Variants in NTNG1 observed in about 807,000 individuals in gnomAD.
NTNG1 encodes the protein netrin G1, also known as netrin-G1.
Under a neutral mutation model 54.0 loss-of-function variants are expected in NTNG1, and 16 were observed. That is an observed-to-expected ratio of 0.30 (90% CI 0.20 to 0.45). The LOEUF (loss-of-function observed/expected upper bound fraction) is 0.45. Among genes scored for constraint, NTNG1 ranks in the 20% least tolerant of loss-of-function variants. NTNG1 has a pLI of 1.00. For synonymous variants in NTNG1, 255 were observed against 263.1 expected, an observed-to-expected ratio of 0.97 and a Z score of 0.30; for missense variants, 530 against 678.7, an observed-to-expected ratio of 0.78 and a Z score of 2.43.
intron 2 of NTNG1, among the ~76,000 whole-genome samples, chr1:107,269,890 C>T (rs1033485990): frequency 2.6e-5 from 4 of 152,220 alleles, no homozygotes; most frequent in Non-Finnish European, 5.9e-5. Context: ...CAGCTTTAAA[C>T]AGTTCTGTAC....
At chr1:107,424,583 C>T (rs1191995887) in intron 5 of NTNG1, among the ~76,000 whole-genome samples, 10 of 151,872 alleles carry the variant, frequency 6.6e-5, no homozygotes, top group Admixed American at 5.3e-4. Context: ...GCTGATGATG[C>T]GTCTGAGGAA....
intron 3 of NTNG1, among the ~76,000 whole-genome samples, chr1:107,367,519 GGA>G (rs1476382882): frequency 5.3e-5 from 8 of 151,990 alleles, no homozygotes; most frequent in African/African-American, 1.9e-4. Context: ...CTTAAATCCT[GGA>G]ATACCTTTAT....
intron 2 of NTNG1, among the ~76,000 whole-genome samples, chr1:107,314,650 C>A (rs1429782758): frequency 6.6e-6 from 1 of 152,110 alleles, no homozygotes; most frequent in Non-Finnish European, 1.5e-5. Flanking sequence ...GCTAATGTCT[C>A]ATAAATATAT....
intron 3 of NTNG1, among the ~76,000 whole-genome samples, chr1:107,327,463 T>C (rs78571713): frequency 0.031 from 4,791 of 152,240 alleles, 139 homozygotes; most frequent in Non-Finnish European, 0.039. Context: ...GTCTAGATTG[T>C]CTTTCTGTTA....
intron 2 of NTNG1, among the ~76,000 whole-genome samples, chr1:107,241,029 A>G (rs1000487050): frequency 6.6e-6 from 1 of 152,100 alleles, no homozygotes; most frequent in African/African-American, 2.4e-5. Context: ...GGAAGTAACT[A>G]TTGAGATTTC....
chr1:107,452,004 G>C (rs1443206485), intron 7 of NTNG1, among the ~76,000 whole-genome samples: 1 of 152,036 alleles, frequency 6.6e-6, no homozygotes, highest in Non-Finnish European at 1.5e-5. Context: ...TTGAATCCTG[G>C]CTCTGCCACT....
At chr1:107,302,637 A>C (rs1666396699) in intron 2 of NTNG1, among the ~76,000 whole-genome samples, 1 of 151,306 alleles carries the variant, frequency 6.6e-6, no homozygotes, top group Non-Finnish European at 1.5e-5. Flanking sequence ...AGAATAGTAC[A>C]GTTGAAAAAT....
chr1:107,397,945 T>A (rs1265876824), intron 4 of NTNG1, among the ~76,000 whole-genome samples: 2 of 152,004 alleles, frequency 1.3e-5, no homozygotes, highest in African/African-American at 4.8e-5. Flanking sequence ...TCACTTCATA[T>A]TGGCTTTTTC....
chr1:107,250,502 A>ATGTGCC (rs1662517951), intron 2 of NTNG1, among the ~76,000 whole-genome samples: 2 of 152,160 alleles, frequency 1.3e-5, no homozygotes, highest in African/African-American at 4.8e-5. Context: ...TGGCACATGT[A>ATGTGCC]TACCTATGTA....
chr1:107,246,328 C>T lies in NTNG1; in HGVS notation c.247-77954C>T, dbSNP rs542497601. On this transcript the variant is annotated intron_variant, in intron 2 of 7. Coordinates refer to ENST00000370068, the MANE Select transcript of NTNG1 (RefSeq NM_001113226.3). ...TCGGCCTCCAAAAGTGCTGGGATTA[C>T]AGGCTTGAGTTTATTTAATTATTAG... Among the ~76,000 whole-genome samples the T allele has an allele frequency of 1.1e-3, 165 of 150,932 alleles. 1 individual carries two copies. The South Asian group carries it at 0.013, about 11-fold the overall frequency.
At chr1:107,150,806 C>A (rs566894169) in intron 2 of NTNG1, among the ~76,000 whole-genome samples, 1 of 152,202 alleles carries the variant, frequency 6.6e-6, no homozygotes, top group African/African-American at 2.4e-5. Flanking sequence ...TACGGATCTT[C>A]CCATGCCTGC....
At chr1:107,329,163 A>T (rs914663667) in intron 3 of NTNG1, among the ~76,000 whole-genome samples, 2 of 152,128 alleles carry the variant, frequency 1.3e-5, no homozygotes, top group African/African-American at 4.8e-5. Context: ...AAGCCTTGGA[A>T]TATTAGCACA....
intron 5 of NTNG1, among the ~76,000 whole-genome samples, chr1:107,424,998 A>C (rs1170166758): frequency 6.6e-6 from 1 of 152,066 alleles, no homozygotes. Flanking sequence ...ATGGGTAAGG[A>C]AGAAGAAGAA....
intron 7 of NTNG1, among the ~76,000 whole-genome samples, chr1:107,452,989 G>C (rs551233167): frequency 6.6e-6 from 1 of 152,242 alleles, no homozygotes; most frequent in South Asian, 2.1e-4. Flanking sequence ...AACTTCTAGA[G>C]AGTGCCTGAG....
chr1:107,370,333 G>A (rs1670843740), intron 3 of NTNG1, among the ~76,000 whole-genome samples: 1 of 150,372 alleles, frequency 6.7e-6, no homozygotes, highest in South Asian at 2.1e-4. Context: ...AGGGAGAATT[G>A]TCATTTTTTT....
intron 2 of NTNG1, among the ~76,000 whole-genome samples, chr1:107,268,206 AC>A (rs1663881415): frequency 6.6e-6 from 1 of 152,214 alleles, no homozygotes; most frequent in East Asian, 1.9e-4. Flanking sequence ...TCTGTTTACA[AC>A]AAAACTCCTG....
intron 2 of NTNG1, among the ~76,000 whole-genome samples, chr1:107,217,046 A>G (rs1221311704): frequency 1.3e-5 from 2 of 152,186 alleles, no homozygotes; most frequent in Non-Finnish European, 2.9e-5. Flanking sequence ...TGAAAGTCCA[A>G]TAGAATTCAG....
At chr1:107,173,620 G>A (rs1192476326) in intron 2 of NTNG1, among the ~76,000 whole-genome samples, 4 of 152,024 alleles carry the variant, frequency 2.6e-5, no homozygotes, top group Non-Finnish European at 5.9e-5. Context: ...ATACCAATCT[G>A]GTGAAAGGAG....
intron 2 of NTNG1, among the ~76,000 whole-genome samples, chr1:107,209,098 T>C (rs1175736566): frequency 2.0e-5 from 3 of 151,984 alleles, no homozygotes; most frequent in African/African-American, 7.2e-5. Context: ...CTTGCCTTTT[T>C]TTTCTGAGCT....
Sources: gnomAD v4.1 joint callset for allele counts (sites outside exome capture counted in the v4.1 genomes callset) on GRCh38, gnomAD v4.1.1 for gene constraint, MANE v1.5 for transcripts, NCBI Gene and HGNC (gene_info 2026-07-23, HGNC 2026-07-21) for gene names.